Variants in LRP1B observed in about 807,000 individuals in gnomAD.
LRP1B encodes the protein LDL receptor related protein 1B, also known as low-density lipoprotein receptor-related protein 1B.
Under a neutral mutation model 556.6 loss-of-function variants are expected in LRP1B, and 217 were observed. That is an observed-to-expected ratio of 0.39 (90% CI 0.35 to 0.44). The LOEUF (loss-of-function observed/expected upper bound fraction) is 0.44, where lower values mean the gene tolerates loss of function less well. Ranked by LOEUF, LRP1B falls within the 20% of genes least tolerant of loss-of-function variation. The probability of loss-of-function intolerance (pLI) is 1.00; values close to 1 mark genes in which losing one functional copy is unlikely to be tolerated. For synonymous variants in LRP1B, 2,047 were observed against 1,865.8 expected, an observed-to-expected ratio of 1.10 and a Z score of -2.50; for missense variants, 5,053 against 5,620.8, an observed-to-expected ratio of 0.90 and a Z score of 3.23.
At chr2:142,053,662 C>T (rs949343174) in intron 1 of LRP1B, among the ~76,000 whole-genome samples, 5 of 152,108 alleles carry the variant, frequency 3.3e-5, no homozygotes. Flanking sequence ...TGGATTTATA[C>T]ATGGAAAATT....
At chr2:140,330,743 G>A (rs1465752247) in intron 79 of LRP1B, among the ~76,000 whole-genome samples, 1 of 152,082 alleles carries the variant, frequency 6.6e-6, no homozygotes, top group Non-Finnish European at 1.5e-5. Context: ...TAACTAAAGT[G>A]CTTCTGCACA....
chr2:141,598,406 A>G (rs1687599043), intron 2 of LRP1B, among the ~76,000 whole-genome samples: 1 of 152,170 alleles, frequency 6.6e-6, no homozygotes, highest in South Asian at 2.1e-4. Context: ...ATTATTTTAG[A>G]GCTTGATTAA....
At chr2:141,615,516 A>G (rs986310063) in intron 2 of LRP1B, among the ~76,000 whole-genome samples, 3 of 152,102 alleles carry the variant, frequency 2.0e-5, no homozygotes, top group African/African-American at 7.2e-5. Flanking sequence ...TTAGCCCACC[A>G]ATTTTTATGC....
At chr2:141,518,671 G>A (rs116472846) in intron 2 of LRP1B, among the ~76,000 whole-genome samples, 11,730 of 151,984 alleles carry the variant, frequency 0.077, 489 homozygotes, top group South Asian at 0.18. Context: ...GAGAGAGGCC[G>A]GGCATGGTGG....
chr2:141,850,622 CTGTG>C (rs70994458), intron 1 of LRP1B, among the ~76,000 whole-genome samples: 25,777 of 140,856 alleles, frequency 0.18, 2,670 homozygotes, highest in East Asian at 0.32. Context: ...AGCATAAACT[CTGTG>C]TGTGTGTGTG....
At chr2:140,741,448 G>GACTT (rs1208565303) in intron 35 of LRP1B, among the ~76,000 whole-genome samples, 2 of 152,016 alleles carry the variant, frequency 1.3e-5, no homozygotes, top group African/African-American at 4.8e-5. Flanking sequence ...TGTCCCAAGA[G>GACTT]ACTTACATTG....
intron 35 of LRP1B, among the ~76,000 whole-genome samples, chr2:140,762,326 T>C (rs1192159769): frequency 2.6e-5 from 4 of 152,122 alleles, no homozygotes; most frequent in Admixed American, 2.0e-4. Context: ...CCTATACTCA[T>C]ATCTCATCCT....
At chr2:141,295,004 AAG>A (rs1429323733) in intron 3 of LRP1B, among the ~76,000 whole-genome samples, 2 of 152,096 alleles carry the variant, frequency 1.3e-5, no homozygotes, top group African/African-American at 4.8e-5. Flanking sequence ...TCATTTTACA[AAG>A]ATATTTTTCA....
intron 7 of LRP1B, among the ~76,000 whole-genome samples, chr2:141,179,928 T>C (rs1203764772): frequency 2.0e-5 from 3 of 148,404 alleles, no homozygotes; most frequent in Non-Finnish European, 4.5e-5. Context: ...TGCGATTATA[T>C]AGCCTACAGT....
At chr2:140,666,299 TATACAC>T (rs1317222789) in intron 41 of LRP1B, among the ~76,000 whole-genome samples, 1 of 21,392 alleles carries the variant, frequency 4.7e-5, no homozygotes, top group Non-Finnish European at 1.1e-4. Flanking sequence ...ATCCATTTAT[TATACAC>T]ACACACACAC....
chr2:140,403,205 A>G (rs184588529), intron 66 of LRP1B, among the ~76,000 whole-genome samples: 2 of 152,324 alleles, frequency 1.3e-5, no homozygotes, highest in Non-Finnish European at 2.9e-5. Context: ...CAGAAAAGTA[A>G]TTCTGATAAC....
At chr2:140,315,658 C>G (rs974224152) in intron 82 of LRP1B, among the ~76,000 whole-genome samples, 1 of 152,140 alleles carries the variant, frequency 6.6e-6, no homozygotes, top group Non-Finnish European at 1.5e-5. Context: ...ACCAAGAAAT[C>G]TTCCTTATAA....
At chr2:141,436,162 CATG>C (rs1680758009) in intron 3 of LRP1B, among the ~76,000 whole-genome samples, 1 of 152,094 alleles carries the variant, frequency 6.6e-6, no homozygotes, top group South Asian at 2.1e-4. Flanking sequence ...TCAAGGTGTA[CATG>C]ATGATTTAAC....
chr2:141,773,764 C>A (rs1694971915), intron 2 of LRP1B, among the ~76,000 whole-genome samples: 1 of 152,172 alleles, frequency 6.6e-6, no homozygotes. Flanking sequence ...CAACCTACAT[C>A]TATAGAGGAA....
At chr2:140,334,678 A>G (rs1004536450) in intron 78 of LRP1B, 119 bp from the exon 79 acceptor site, 28 of 537,496 alleles carry the variant, frequency 5.2e-5, no homozygotes, top group Non-Finnish European at 9.3e-5. Flanking sequence ...AGTCTCTTAA[A>G]AAGAGTCAAC....
At chr2:141,088,529 C>A (rs534511847) in intron 7 of LRP1B, among the ~76,000 whole-genome samples, 9 of 152,100 alleles carry the variant, frequency 5.9e-5, no homozygotes, top group Non-Finnish European at 5.9e-5. Context: ...AGCTAAAAAT[C>A]TTTTGTGTGT....
intron 47 of LRP1B, among the ~76,000 whole-genome samples, chr2:140,531,761 G>A (rs1690703382): frequency 6.6e-6 from 1 of 152,036 alleles, no homozygotes; most frequent in Non-Finnish European, 1.5e-5. Context: ...TGACACACAT[G>A]AATGTCATCA....
intron 1 of LRP1B, among the ~76,000 whole-genome samples, chr2:142,009,824 T>C (rs757013468): frequency 6.6e-6 from 1 of 152,040 alleles, no homozygotes; most frequent in Non-Finnish European, 1.5e-5. Flanking sequence ...ATAGTGTATA[T>C]GTAATTGGAT....
chr2:140,500,825 C>G (rs977890756), intron 55 of LRP1B, among the ~76,000 whole-genome samples: 3 of 151,850 alleles, frequency 2.0e-5, no homozygotes, highest in African/African-American at 7.3e-5. Context: ...GCAGTACCCC[C>G]GGGCAGAACT....
Sources: allele counts gnomAD v4.1 joint callset (sites outside exome capture counted in the v4.1 genomes callset), GRCh38; gene constraint gnomAD v4.1.1; transcripts MANE v1.5; gene names NCBI Gene and HGNC (gene_info 2026-07-23, HGNC 2026-07-21).